Variants in DNAH9 observed in about 807,000 individuals in gnomAD.
The protein encoded by DNAH9 is DNAH9 variant protein.
Under a neutral mutation model 471.6 loss-of-function variants are expected in DNAH9, and 345 were observed. The ratio of observed to expected loss-of-function variants is 0.73; its 90% CI spans 0.67 to 0.80. The LOEUF is 0.80. Ranked by LOEUF, DNAH9 falls within the 30% of genes least tolerant of loss-of-function variation. The pLI, the probability that DNAH9 is intolerant of heterozygous loss-of-function variation, is 0.00. For missense variants in DNAH9, 5,407 were observed against 5,609.2 expected (o/e 0.96, Z 1.15); for synonymous variants, 2,093 against 2,123.6 (o/e 0.99, Z 0.40).
chr17:11,913,752 A>G (rs1462104511), intron 61 of DNAH9, among the ~76,000 whole-genome samples: 2 of 151,690 alleles, frequency 1.3e-5, no homozygotes, highest in Non-Finnish European at 2.9e-5. Flanking sequence ...ACTGCACTCC[A>G]GCCTGGGCGA....
chr17:11,644,527 C>CA, intron 10 of DNAH9, 104 bp from the exon 11 acceptor site: 1 of 808,336 alleles, frequency 1.2e-6, no homozygotes, highest in East Asian at 2.8e-5. Flanking sequence ...GGAAACGAGC[C>CA]AAGGAGCTAT....
At chr17:11,839,857 G>A (rs1193972105) in intron 49 of DNAH9, among the ~76,000 whole-genome samples, 3 of 152,166 alleles carry the variant, frequency 2.0e-5, no homozygotes, top group Admixed American at 1.3e-4. Context: ...ATTTATGTAT[G>A]TACAGTGAGA....
At chr17:11,710,641 A>G (rs939723910) in intron 26 of DNAH9, among the ~76,000 whole-genome samples, 1 of 152,154 alleles carries the variant, frequency 6.6e-6, no homozygotes, top group Non-Finnish European at 1.5e-5. Context: ...TTAATTATTT[A>G]CTACTGTTAT....
intron 26 of DNAH9, among the ~76,000 whole-genome samples, chr17:11,718,247 T>G (rs1461515461): frequency 6.6e-6 from 1 of 152,252 alleles, no homozygotes; most frequent in Non-Finnish European, 1.5e-5. Flanking sequence ...GTCCATCCTG[T>G]AGCATGTTTG....
intron 14 of DNAH9, among the ~76,000 whole-genome samples, chr17:11,654,165 C>A: frequency 1.4e-5 from 1 of 73,500 alleles, no homozygotes. Context: ...ACCATCCTGG[C>A]TAACACGGTG....
At chr17:11,868,735 G>C (rs1232718921) in intron 50 of DNAH9, among the ~76,000 whole-genome samples, 2 of 152,002 alleles carry the variant, frequency 1.3e-5, no homozygotes, top group Non-Finnish European at 2.9e-5. Flanking sequence ...GCACCATTTT[G>C]TCAGGCTACT....
chr17:11,728,537 A>C (rs1424555068), intron 28 of DNAH9, among the ~76,000 whole-genome samples: 1 of 84,228 alleles, frequency 1.2e-5, no homozygotes, highest in Non-Finnish European at 2.7e-5. Flanking sequence ...AAAAAAAAAA[A>C]AACAAAAAAA....
chr17:11,921,514 A>C (rs1183547156), intron 61 of DNAH9, among the ~76,000 whole-genome samples: 1 of 152,066 alleles, frequency 6.6e-6, no homozygotes, highest in Admixed American at 6.5e-5. Flanking sequence ...GATGAGTCAC[A>C]AGCAGTAGGG....
rs1381496270 is a variant in DNAH9 at position 11,623,125 on chromosome 17, C to G, written c.1350+3344C>G. Among the ~76,000 whole-genome samples the G allele has an allele frequency of 6.6e-6, 1 of 152,004 alleles. No homozygotes were observed. Among genetic ancestry groups the G allele is most frequent in the Non-Finnish European group, 1.5e-5 (1 of 68,002 alleles). On this transcript the variant is annotated intron_variant, in intron 6 of 68. Coordinates refer to ENST00000262442, the MANE Select transcript of DNAH9 (RefSeq NM_001372.4). This position sits in a 1 kb window ranked among gnomAD's most constrained non-coding sequence, Gnocchi z 4.1. Reference sequence around the variant, plus strand: ...AGTAGCTGGGATTACAGGCATGTGCCACCATGCCTGGTTAATTTTTGTATT... The same window carrying G: ...AGTAGCTGGGATTACAGGCATGTGCGACCATGCCTGGTTAATTTTTGTATT...
rs1970357758 is a variant in DNAH9, at chr17:11,822,904, C to T, written c.9116C>T (p.Thr3039Ile). Residue 3039 changes from threonine (T) to isoleucine (I), a missense_variant, in exon 48 of 69, where the codon ACA (threonine) becomes ATA (isoleucine). By Grantham distance (89) the Thr-to-Ile change is moderately conservative (BLOSUM62 -1). Transcript: ENST00000262442. ...AGCAATGAACAGCGCTACAACTATA[C>T]AACTCCCAAGTCCTTTCTGGAGTTC... ...YLSNEQRYNY[T>I]TPKSFLEFIR... 7 of 1,614,112 alleles carry T rather than the reference C, an allele frequency of 4.3e-6. No individual in the cohort carries two copies. The highest frequency in any genetic ancestry group is 5.9e-6 in the Non-Finnish European group (7 of 1,180,054).
intron 5 of DNAH9, 81 bp downstream of exon 5, chr17:11,617,703 C>CT (rs1382137968): frequency 3.0e-6 from 3 of 992,518 alleles, no homozygotes; most frequent in South Asian, 2.8e-5. Flanking sequence ...GACAAGTGTC[C>CT]TTTTTTCTGG....
intron 6 of DNAH9, among the ~76,000 whole-genome samples, chr17:11,620,511 CAAAA>C (rs11440277): frequency 3.4e-5 from 4 of 119,196 alleles, no homozygotes; most frequent in Admixed American, 9.2e-5. Context: ...GACTCTGTCT[CAAAA>C]AAAAAAAAAA....
intron 8 of DNAH9, among the ~76,000 whole-genome samples, chr17:11,633,595 G>T (rs995194077): frequency 6.6e-6 from 1 of 152,196 alleles, no homozygotes; most frequent in South Asian, 2.1e-4. Context: ...AATCAATACC[G>T]TAATTCACAT....
At chr17:11,634,803 G>C (rs1263335627) in intron 8 of DNAH9, among the ~76,000 whole-genome samples, 2 of 152,148 alleles carry the variant, frequency 1.3e-5, no homozygotes, top group Non-Finnish European at 2.9e-5. Context: ...TCCATACCTG[G>C]TCATTCTGCA....
chr17:11,751,790 A>G (rs563817087), intron 32 of DNAH9, among the ~76,000 whole-genome samples: 126 of 152,202 alleles, frequency 8.3e-4, no homozygotes, highest in Admixed American at 2.1e-3. Flanking sequence ...AAATTAGAGG[A>G]AAGGAGAGAA....
chr17:11,625,450 C>A (rs1006116565), intron 6 of DNAH9, among the ~76,000 whole-genome samples: 1 of 152,114 alleles, frequency 6.6e-6, no homozygotes, highest in Non-Finnish European at 1.5e-5. Context: ...ACATAGGAGA[C>A]CATTGGCCAC....
chr17:11,785,990 A>G (rs1968855725), intron 41 of DNAH9, among the ~76,000 whole-genome samples: 1 of 152,228 alleles, frequency 6.6e-6, no homozygotes, highest in African/African-American at 2.4e-5. Context: ...TTTTATGAGC[A>G]TTCATTGAGA....
In DNAH9 at chr17:11,893,178, C is replaced by CAAAAAAAA. The variant is rs58420771; in HGVS notation, c.11284-1186_11284-1179dup. On this transcript the variant is annotated intron_variant, in intron 58 of 68. Coordinates refer to ENST00000262442, the MANE Select transcript of DNAH9 (RefSeq NM_001372.4). The stretch of plus-strand genomic sequence containing the variant: ...AGCCCAGATGACAGCTTGGCCTTTG[C>CAAAAAAAA]AAAAAAAAAAAAAAAAATGTGGGCC... 3.0e-4 allele frequency among the ~76,000 whole-genome samples: 29 copies of CAAAAAAAA among 95,158 alleles called. 2 individuals are homozygous for CAAAAAAAA. Among genetic ancestry groups the CAAAAAAAA allele is most frequent in the African/African-American group, 6.7e-4 (17 of 25,202 alleles). The allele number at this position is 95,158 out of a possible 152,430, so 62.4% of individuals were successfully genotyped here. A position where few individuals can be genotyped will look rare whatever the true frequency, so the allele number is the denominator to read the frequency against.
At chr17:11,738,799 A>T in intron 28 of DNAH9, 81 bp from the exon 29 acceptor site, 2 of 1,247,712 alleles carry the variant, frequency 1.6e-6, no homozygotes, top group South Asian at 2.6e-5. Flanking sequence ...GCTGTGTGTG[A>T]CTACAGGGTT....
Sources: allele counts gnomAD v4.1 joint callset (sites outside exome capture counted in the v4.1 genomes callset), GRCh38; gene constraint gnomAD v4.1.1; non-coding constraint Gnocchi (gnomAD v3.1); transcripts MANE v1.5; gene names NCBI Gene and HGNC (gene_info 2026-07-23, HGNC 2026-07-21).